RASA3: variants seen among roughly 807,000 people sequenced by gnomAD.
RASA3 encodes the protein RAS p21 protein activator 3.
A neutral mutation model predicts 110.0 loss-of-function variants in RASA3; 73 were observed. The ratio of observed to expected loss-of-function variants is 0.66; its 90% CI spans 0.55 to 0.81. The LOEUF is 0.81. Among genes scored for constraint, RASA3 ranks in the 30% least tolerant of loss-of-function variants. The pLI is 0.00. For synonymous variants in RASA3, 500 were observed against 451.4 expected, an observed-to-expected ratio of 1.11 and a Z score of -1.37; for missense variants, 976 against 1,113.2, an observed-to-expected ratio of 0.88 and a Z score of 1.75.
At chr13:114,027,116 T>G (rs1217570546) in intron 7 of RASA3, among the ~76,000 whole-genome samples, 1 of 152,246 alleles carries the variant, frequency 6.6e-6, no homozygotes, top group Non-Finnish European at 1.5e-5. Flanking sequence ...ACGAATGACC[T>G]TTCTCTCTTG....
At chr13:114,100,214 C>T (rs937144478) in intron 1 of RASA3, among the ~76,000 whole-genome samples, 1 of 151,854 alleles carries the variant, frequency 6.6e-6, no homozygotes, top group East Asian at 2.0e-4. Context: ...CCCGCCCCGG[C>T]CCGCGGTGCT....
chr13:114,020,377 T>C (rs904580729), intron 9 of RASA3, among the ~76,000 whole-genome samples: 1 of 152,186 alleles, frequency 6.6e-6, no homozygotes, highest in African/African-American at 2.4e-5. Context: ...CTGGGGTATG[T>C]GGTGGCTGCC....
intron 1 of RASA3, among the ~76,000 whole-genome samples, chr13:114,108,017 G>A (rs917605386): frequency 6.6e-6 from 1 of 151,998 alleles, no homozygotes; most frequent in South Asian, 2.1e-4. Flanking sequence ...GGGGCTCTGC[G>A]GGATCCCCTG....
At chr13:114,109,580 C>A (rs2080187698) in intron 1 of RASA3, among the ~76,000 whole-genome samples, 2 of 152,188 alleles carry the variant, frequency 1.3e-5, no homozygotes, top group Non-Finnish European at 2.9e-5. Context: ...CCATGAGGGC[C>A]GCGGAGAGGA....
At chr13:114,012,170 C>T (rs1029930298) in intron 15 of RASA3, among the ~76,000 whole-genome samples, 10 of 152,136 alleles carry the variant, frequency 6.6e-5, no homozygotes, top group Non-Finnish European at 1.2e-4. Context: ...GAGAGCAGGG[C>T]GGTGACCAGC....
At chr13:114,005,080 C>A (rs746771417) in intron 18 of RASA3, among the ~76,000 whole-genome samples, 10 of 152,130 alleles carry the variant, frequency 6.6e-5, no homozygotes, top group Non-Finnish European at 1.2e-4. Flanking sequence ...AGGGGCGGGG[C>A]GCTCTGGGAC....
rs1407093869 is a variant in RASA3 at position 114,000,817 on chromosome 13, G to C, written c.1849+9C>G. ...AGCAAGAGCCAGGGAAAGCGACCTT[G>C]CTCCTTACCTTTGCTTTTGTGGTAG... On this transcript the variant is annotated intron_variant, in intron 19 of 23. Coordinates refer to ENST00000334062, the MANE Select transcript of RASA3 (RefSeq NM_007368.4). The C allele has an allele frequency of 6.3e-7, 1 of 1,586,974 alleles. No homozygotes were observed.
In RASA3 at chr13:113,993,875, T is replaced by C. The variant is rs117857262; in HGVS notation, c.2142-1287A>G. On this transcript the variant is annotated intron_variant, in intron 21 of 23. Transcript: ENST00000334062. ...ACATTGTACAGAAGCACGTCTTTGATGGCTTCAGACAAAGTGGCCTCACGG... is the reference window on the plus strand; with the variant it reads ...ACATTGTACAGAAGCACGTCTTTGACGGCTTCAGACAAAGTGGCCTCACGG... Among the ~76,000 whole-genome samples the C allele has an allele frequency of 3.3e-3, 497 of 150,666 alleles. 3 individuals are homozygous for C. In the East Asian group the frequency reaches 0.038, roughly 11 times the overall value.
Position 114,056,606 on chromosome 13 carries a change from G to T in RASA3, c.174-4451C>A. ...TGGGGGGCTCGGTGGGGGGAGGCCC[G>T]TGCTGGCTGGGCACCTGGGAGGGTC... is the stretch of plus-strand genomic sequence containing the variant. On this transcript the variant is annotated intron_variant, in intron 2 of 23. Coordinates refer to ENST00000334062, the MANE Select transcript of RASA3 (RefSeq NM_007368.4). The surrounding 1 kb of genome is among the most constrained non-coding windows in gnomAD (Gnocchi z 5.7). 1.0e-6 allele frequency: 1 copy of T among 984,510 alleles called. No homozygotes were observed. Among genetic ancestry groups the T allele is most frequent in the Non-Finnish European group, 1.2e-6 (1 of 829,674 alleles). 61.0% of individuals were successfully genotyped at this position (984,510 alleles called of 1,614,324 possible).
chr13:113,980,067 T>TCCCATGTGTGTGCACCACCTCCC (rs2052880282), intron 23 of RASA3, among the ~76,000 whole-genome samples: 1 of 124,928 alleles, frequency 8.0e-6, no homozygotes. Context: ...GTGCACCTCC[T>TCCCATGTGTGTGCACCACCTCCC]CCCATGTGTG....
intron 4 of RASA3, among the ~76,000 whole-genome samples, chr13:114,037,182 T>C (rs554858327): frequency 6.6e-6 from 1 of 152,300 alleles, no homozygotes; most frequent in Admixed American, 6.5e-5. Flanking sequence ...GGCATTCTTA[T>C]TTACAGCTTT....
intron 3 of RASA3, among the ~76,000 whole-genome samples, chr13:114,049,392 C>T (rs1415393093): frequency 6.6e-6 from 1 of 152,162 alleles, no homozygotes; most frequent in Non-Finnish European, 1.5e-5. Flanking sequence ...TCACCATAAT[C>T]GTAAAGCCAC....
At chr13:114,043,171 T>G (rs1215143475) in intron 3 of RASA3, among the ~76,000 whole-genome samples, 2 of 151,922 alleles carry the variant, frequency 1.3e-5, no homozygotes, top group Non-Finnish European at 2.9e-5. Flanking sequence ...CAGCACCAGC[T>G]CCAGACCCTA....
chr13:113,995,719 A>G (rs182192314), intron 21 of RASA3, among the ~76,000 whole-genome samples: 3,023 of 39,062 alleles, frequency 0.077, 288 homozygotes, highest in Middle Eastern at 0.16. Flanking sequence ...CGGAGGACCC[A>G]GCTGATGGGG....
intron 1 of RASA3, among the ~76,000 whole-genome samples, chr13:114,076,041 A>G (rs1035594507): frequency 1.3e-5 from 2 of 151,120 alleles, no homozygotes; most frequent in African/African-American, 4.9e-5. Flanking sequence ...AGGCGTTCCC[A>G]GCAGCACCCG....
At chr13:114,089,257 GGAGGGGAGACGAGGGGAGAC>G (rs779531905) in intron 1 of RASA3, among the ~76,000 whole-genome samples, 6 of 149,284 alleles carry the variant, frequency 4.0e-5, no homozygotes, top group Non-Finnish European at 8.9e-5. Context: ...GGAGGAGAGA[GGAGGGGAGACGAGGGGAGAC>G]GAGGGGAGAC....
rs576761327 is a variant in RASA3 at position 114,041,071 on chromosome 13, C to T, written c.301G>A (p.Asp101Asn). The change falls in exon 4 of 24, where the codon GAC (aspartate) becomes AAC (asparagine). Residue 101 changes from aspartate (D) to asparagine (N), a missense_variant. Coordinates refer to ENST00000334062, the MANE Select transcript of RASA3 (RefSeq NM_007368.4). ...IIGKVAIQKE[D>N]LQKYHNRDTW... ...TCCCTGTTGTGGTACTTCTGCAAGTCCTCCTTCTGGATGGCCACCTTCCCT... is the reference window on the plus strand; with the variant it reads ...TCCCTGTTGTGGTACTTCTGCAAGTTCTCCTTCTGGATGGCCACCTTCCCT... The T allele has an allele frequency of 3.7e-6, 6 of 1,613,830 alleles. No individual in the cohort carries two copies. The highest frequency in any genetic ancestry group is 1.1e-5 in the South Asian group (1 of 91,088).
At chr13:114,015,537 GCAC>G (rs2053770942) in intron 13 of RASA3, among the ~76,000 whole-genome samples, 2 of 152,238 alleles carry the variant, frequency 1.3e-5, no homozygotes, top group South Asian at 4.1e-4. Flanking sequence ...CACTACACAG[GCAC>G]CACGTCGGCT....
chr13:114,004,826 C>T (rs7986599), intron 18 of RASA3, among the ~76,000 whole-genome samples: 106,655 of 152,080 alleles, frequency 0.7, 38,137 homozygotes, highest in African/African-American at 0.85. Context: ...TGCATGCGTA[C>T]GTTTACCGCT....
Sources: allele counts gnomAD v4.1 joint callset (sites outside exome capture counted in the v4.1 genomes callset), GRCh38; gene constraint gnomAD v4.1.1; non-coding constraint Gnocchi (gnomAD v3.1); transcripts MANE v1.5; gene names NCBI Gene and HGNC (gene_info 2026-07-23, HGNC 2026-07-21).